C1orf116: variants seen among roughly 807,000 people sequenced by gnomAD.
C1orf116 encodes specifically androgen-regulated gene protein.
C1orf116 carries 12 observed loss-of-function variants against 14.1 expected under a neutral mutation model. The ratio of observed to expected loss-of-function variants is 0.85; its 90% CI spans 0.54 to 1.38. The LOEUF (loss-of-function observed/expected upper bound fraction) is 1.38, where lower values mean the gene tolerates loss of function less well. Ranked by LOEUF, C1orf116 falls within the 40% of genes most tolerant of loss-of-function variation. The pLI, the probability that C1orf116 is intolerant of heterozygous loss-of-function variation, is 0.00. For synonymous variants in C1orf116, 296 were observed against 299.0 expected, an observed-to-expected ratio of 0.99 and a Z score of 0.10; for missense variants, 797 against 747.0, an observed-to-expected ratio of 1.07 and a Z score of -0.78.
At chr1:207,027,000 A>C (rs764990802) in intron 2 of C1orf116, among the ~76,000 whole-genome samples, 39 of 152,238 alleles carry the variant, frequency 2.6e-4, no homozygotes, top group Non-Finnish European at 4.6e-4. Flanking sequence ...AAAACTGAGG[A>C]GGCTAAAGCT....
chr1:207,030,882 C>T (rs914218059), intron 1 of C1orf116, among the ~76,000 whole-genome samples: 2 of 152,194 alleles, frequency 1.3e-5, no homozygotes, highest in Non-Finnish European at 2.9e-5. Flanking sequence ...ATATTAACTA[C>T]ACCACTGACT....
At chr1:207,029,466 T>A (rs1333138866) in intron 1 of C1orf116, among the ~76,000 whole-genome samples, 1 of 152,080 alleles carries the variant, frequency 6.6e-6, no homozygotes, top group Non-Finnish European at 1.5e-5. Flanking sequence ...GATGCCCAAG[T>A]TCAGGGAGGA....
At chr1:207,032,553 C>G (rs1397119930) in intron 1 of C1orf116, 26 bp downstream of exon 1, 1 of 984,942 alleles carries the variant, frequency 1.0e-6, no homozygotes, top group African/African-American at 1.7e-5. Flanking sequence ...ATAGGATAAG[C>G]AATAGTTGGT....
In C1orf116 at chr1:207,022,405, ACT is replaced by A. The variant is rs1681907545; in HGVS notation, c.1357_1358del (p.Ser453CysfsTer45). 1.9e-6 allele frequency: 3 copies of A among 1,614,064 alleles called. No homozygotes were observed. Among genetic ancestry groups the A allele is most frequent in the Non-Finnish European group, 2.5e-6 (3 of 1,180,024 alleles). On this transcript the variant is annotated frameshift_variant, in exon 4 of 4. Transcript: ENST00000359470. LOFTEE classifies it low-confidence loss of function (END_TRUNC). ...ISIPKAPRAN[S>X]ALTPPKPESG... ...ACTCTGGCTTCGGTGGAGTCAGGGC[ACT>A]GTTTGCCCTTGGGGCCTTAGGGATA...
In C1orf116 at chr1:207,021,857, C is replaced by A; in HGVS notation, c.*101G>T. The A allele has an allele frequency of 8.4e-7, 1 of 1,188,828 alleles. No homozygotes were observed. The highest frequency in any genetic ancestry group is 1.2e-6 in the Non-Finnish European group (1 of 869,132). 73.6% of individuals were successfully genotyped at this position (1,188,828 alleles called of 1,614,324 possible). ...TGCTTGGACTCAAATCTCTCCCTCC[C>A]ATTCATCTTGAGCCCTGAGTTGCGT... On this transcript the variant is annotated 3_prime_UTR_variant, in exon 4 of 4. Coordinates refer to ENST00000359470, the MANE Select transcript of C1orf116 (RefSeq NM_023938.6).
intron 3 of C1orf116, among the ~76,000 whole-genome samples, chr1:207,024,586 C>T (rs556907669): frequency 2.0e-5 from 3 of 152,246 alleles, no homozygotes; most frequent in African/African-American, 4.8e-5. Context: ...CTCCCTCCCC[C>T]GCCTCTGCGG....
At chr1:207,026,782 A>G (rs904772717) in intron 2 of C1orf116, among the ~76,000 whole-genome samples, 5 of 152,256 alleles carry the variant, frequency 3.3e-5, no homozygotes, top group Non-Finnish European at 7.3e-5. Context: ...CCTCACAACA[A>G]CTGAGATTTA....
In C1orf116 at chr1:207,024,962, A is replaced by C; in HGVS notation, c.208T>G (p.Ser70Ala). 1 of 1,613,968 alleles carries C rather than the reference A, an allele frequency of 6.2e-7. No homozygotes were observed. Among genetic ancestry groups the C allele is most frequent in the Non-Finnish European group, 8.5e-7 (1 of 1,179,988 alleles). Residue 70 changes from serine to alanine, a missense_variant, in exon 3 of 4, where the codon TCC becomes GCC. Transcript: ENST00000359470. ...GTGGCTGGCTCAGACTCGTCAGTGG[A>C]CAGTCCGCTGTCAGCCTCCGTGTCC... ...SLDTEADSGL[S>A]TDESEPATTP...
chr1:207,023,421 T>G lies in C1orf116; in HGVS notation c.343A>C (p.Ser115Arg), dbSNP rs1207524216. 3 of 1,613,882 alleles carry G rather than the reference T, an allele frequency of 1.9e-6. No homozygotes were observed. Among genetic ancestry groups the G allele is most frequent in the Non-Finnish European group, 2.5e-6 (3 of 1,179,912 alleles). The change falls in exon 4 of 4, where the codon AGC becomes CGC. Residue 115 changes from serine (S) to arginine (R), a missense_variant. Physicochemically the swap from Ser to Arg is moderately radical, Grantham distance 110. Coordinates refer to ENST00000359470, the MANE Select transcript of C1orf116 (RefSeq NM_023938.6). ...TGGGGCTCAGGAGGGTGGGATGAGC[T>G]GGACTCAGTTACTGTCCTTGGCGTT... ...GRTPRTVTES[S>R]SSHPPEPQGL...
In C1orf116 at chr1:207,023,477, C is replaced by G; in HGVS notation, c.287G>C (p.Gly96Ala). Residue 96 changes from glycine (G) to alanine (A), a missense_variant, in exon 4 of 4, where the codon GGT (glycine) becomes GCT (alanine). Physicochemically the swap from Gly to Ala is moderately conservative, Grantham distance 60. Transcript: ENST00000359470. ...LPITQPTPRG[G>A]PEETITQQGR... ...TTGCTGAGTGATGGTCTCCTCTGGACCTCCTGTGAGGGTCAGAAAGAACAT... is the reference window on the plus strand; with the variant it reads ...TTGCTGAGTGATGGTCTCCTCTGGAGCTCCTGTGAGGGTCAGAAAGAACAT... The G allele has an allele frequency of 6.2e-7, 1 of 1,604,842 alleles. No individual in the cohort carries two copies. The highest frequency in any genetic ancestry group is 8.5e-7 in the Non-Finnish European group (1 of 1,176,058).
chr1:207,022,025 G>A lies in C1orf116; in HGVS notation c.1739C>T (p.Ser580Phe), dbSNP rs1681874188. ...GTGTTCATTGGGGACACCCTTTGGG[G>A]AGATCTTGACACTGACACAGGGGGG... ...PRPPCVSVKI[S>F]PKGVPNEHRR... Residue 580 changes from serine to phenylalanine, a missense_variant, in exon 4 of 4, where the codon TCC becomes TTC. Transcript: ENST00000359470. 5 of 1,584,072 alleles carry A rather than the reference G, an allele frequency of 3.2e-6. No individual in the cohort carries two copies. The highest frequency in any genetic ancestry group is 4.3e-6 in the Non-Finnish European group (5 of 1,167,466).
In C1orf116 at chr1:207,023,539, GGCCCT is replaced by G. The variant is rs1681959482; in HGVS notation, c.284-64_284-60del. On this transcript the variant is annotated intron_variant, in intron 3 of 3. Coordinates refer to ENST00000359470, the MANE Select transcript of C1orf116 (RefSeq NM_023938.6). ...CAGAAAAAGAGTGGACAGAGGTGAG[GGCCCT>G]GCTGCAGAGGGGAAAGCAATGACTT... is the stretch of plus-strand genomic sequence containing the variant. The G allele has an allele frequency of 4.0e-6, 6 of 1,518,394 alleles. No individual in the cohort carries two copies. In the East Asian group the frequency reaches 1.4e-4, roughly 35 times the overall value. 94.1% of individuals were successfully genotyped at this position (1,518,394 alleles called of 1,614,324 possible).
chr1:207,032,373 C>T (rs1682274109), intron 1 of C1orf116, among the ~76,000 whole-genome samples: 2 of 152,286 alleles, frequency 1.3e-5, no homozygotes, highest in Admixed American at 1.3e-4. Context: ...TGCCTCCCAG[C>T]CCCAGTCTCC....
chr1:207,020,327 A>G lies in C1orf116; in HGVS notation c.*1631T>C, dbSNP rs2102294297. ...TGTTAACCTTGTCACCGTTTTCAGA[A>G]ATTCTGGGCTTTGATGGTGCTGCGT... On this transcript the variant is annotated 3_prime_UTR_variant, in exon 4 of 4. Transcript: ENST00000359470. 1 of 152,352 alleles carries G rather than the reference A, an allele frequency of 6.6e-6. No homozygotes were observed. Among genetic ancestry groups the G allele is most frequent in the Admixed American group, 6.5e-5 (1 of 15,304 alleles). The allele number at this position is 152,352 out of a possible 1,614,324, so 9.4% of individuals were successfully genotyped here.
intron 1 of C1orf116, among the ~76,000 whole-genome samples, chr1:207,031,289 T>G (rs1328964808): frequency 6.6e-6 from 1 of 152,202 alleles, no homozygotes; most frequent in African/African-American, 2.4e-5. Flanking sequence ...TCATCTTCCC[T>G]TTCACCAGTG....
At position 207,024,965 on chromosome 1, in the gene C1orf116, G is replaced by C; in HGVS notation, c.205C>G (p.Leu69Val). 1 of 1,614,092 alleles carries C rather than the reference G, an allele frequency of 6.2e-7. No individual in the cohort carries two copies. The highest frequency in any genetic ancestry group is 8.5e-7 in the Non-Finnish European group (1 of 1,180,004). The part of the protein sequence containing the change: ...GSLDTEADSG[L>V]STDESEPATT... ...GCTGGCTCAGACTCGTCAGTGGACAGTCCGCTGTCAGCCTCCGTGTCCAGT... is the reference window on the plus strand; with the variant it reads ...GCTGGCTCAGACTCGTCAGTGGACACTCCGCTGTCAGCCTCCGTGTCCAGT... Residue 69 changes from leucine (L) to valine (V), a missense_variant, in exon 3 of 4, where the codon CTG becomes GTG. By Grantham distance (32) the Leu-to-Val change is conservative. Transcript: ENST00000359470.
chr1:207,030,925 A>G (rs1160554674), intron 1 of C1orf116, among the ~76,000 whole-genome samples: 1 of 152,202 alleles, frequency 6.6e-6, no homozygotes, highest in Non-Finnish European at 1.5e-5. Context: ...CTTGGAGGAG[A>G]GGAAATAAAG....
chr1:207,021,859 T>C lies in C1orf116; in HGVS notation c.*99A>G. On this transcript the variant is annotated 3_prime_UTR_variant, in exon 4 of 4. Transcript: ENST00000359470. ...CTTGGACTCAAATCTCTCCCTCCCA[T>C]TCATCTTGAGCCCTGAGTTGCGTGG... 1 of 1,226,494 alleles carries C rather than the reference T, an allele frequency of 8.2e-7. No individual in the cohort carries two copies. The highest frequency in any genetic ancestry group is 1.1e-6 in the Non-Finnish European group (1 of 902,258). The allele number at this position is 1,226,494 out of a possible 1,614,324, so 76.0% of individuals were successfully genotyped here. A position where few individuals can be genotyped will look rare whatever the true frequency, so the allele number is the denominator to read the frequency against.
intron 3 of C1orf116, among the ~76,000 whole-genome samples, 154 bp downstream of exon 3, chr1:207,024,733 T>C (rs930630816): frequency 6.6e-6 from 1 of 152,204 alleles, no homozygotes; most frequent in Non-Finnish European, 1.5e-5. Context: ...GGGACAAGGC[T>C]CTGTTCTAGC....
Sources: allele counts gnomAD v4.1 joint callset (sites outside exome capture counted in the v4.1 genomes callset), GRCh38; gene constraint gnomAD v4.1.1; transcripts MANE v1.5; gene names NCBI Gene and HGNC (gene_info 2026-07-23, HGNC 2026-07-21).